Variants in MAJIN observed in about 807,000 individuals in gnomAD.
The protein encoded by MAJIN is membrane-anchored junction protein.
Under a neutral mutation model 30.2 loss-of-function variants are expected in MAJIN, and 27 were observed. That is an observed-to-expected ratio of 0.89 (90% CI 0.66 to 1.23). The LOEUF is 1.23. Among genes scored for constraint, MAJIN ranks in the 50% most tolerant of loss-of-function variants. The probability of loss-of-function intolerance (pLI) is 0.00; values close to 1 mark genes in which losing one functional copy is unlikely to be tolerated. For synonymous variants in MAJIN, 78 were observed against 91.6 expected, an observed-to-expected ratio of 0.85 and a Z score of 0.85; for missense variants, 253 against 260.3, an observed-to-expected ratio of 0.97 and a Z score of 0.19.
intron 1 of MAJIN, among the ~76,000 whole-genome samples, chr11:64,968,116 G>A (rs983114130): frequency 2.5e-4 from 38 of 152,154 alleles, no homozygotes; most frequent in African/African-American, 8.4e-4. Context: ...CATTGAGAAT[G>A]AAGAGAGAGA....
intron 1 of MAJIN, among the ~76,000 whole-genome samples, chr11:64,961,783 TTTC>T (rs1231052911): frequency 6.7e-6 from 1 of 149,842 alleles, no homozygotes; most frequent in Non-Finnish European, 1.5e-5. Flanking sequence ...GCTCTTTTTT[TTTC>T]TTTTCTTTTT....
chr11:64,944,486 C>T lies in MAJIN; in HGVS notation c.473+2888G>A, dbSNP rs566840574. On this transcript the variant is annotated intron_variant, in intron 8 of 10. Coordinates refer to ENST00000301896, the MANE Select transcript of MAJIN (RefSeq NM_001037225.3). ...GCATTCTGGGCAACATGGCAAAACC[C>T]CATCTCTACAAAAAATACAAAAATT... Among the ~76,000 whole-genome samples the T allele has an allele frequency of 3.3e-5, 5 of 152,252 alleles. No homozygotes were observed. In the South Asian group the frequency reaches 1.0e-3, roughly 32 times the overall value.
At chr11:64,940,835 CTT>C (rs1168979344) in intron 8 of MAJIN, among the ~76,000 whole-genome samples, 189 bp from the exon 9 acceptor site, 414 of 88,520 alleles carry the variant, frequency 4.7e-3, no homozygotes, top group African/African-American at 0.018. Flanking sequence ...TTTTTTCTTT[CTT>C]TTTTTTTTTT....
At chr11:64,969,832 G>A (rs1945870016) in intron 1 of MAJIN, among the ~76,000 whole-genome samples, 6 of 152,024 alleles carry the variant, frequency 3.9e-5, no homozygotes. Context: ...GACTTGATAA[G>A]GTGAGGGAGA....
In MAJIN at chr11:64,952,627, G is replaced by A. The variant is rs546125259; in HGVS notation, c.147+2130C>T. Among the ~76,000 whole-genome samples the A allele has an allele frequency of 1.6e-4, 24 of 152,284 alleles. 1 individual carries two copies. Among genetic ancestry groups the A allele is most frequent in the Non-Finnish European group, 3.1e-4 (21 of 68,034 alleles). ...AGGTTACATAACTAGAAATAGCAGG[G>A]CCAAGATCTGAACCAAGGCAGCAGG... On this transcript the variant is annotated intron_variant, in intron 4 of 10. Transcript: ENST00000301896.
rs918402576 is a variant in MAJIN, at chr11:64,946,225, C to G, written c.473+1149G>C. On this transcript the variant is annotated intron_variant, in intron 8 of 10. Transcript: ENST00000301896. Reference sequence around the variant, plus strand: ...TATCACTACATTCAAGCAAATGTGGCCCAAATGAATATTTCAGCAGGTTGG... The same window carrying G: ...TATCACTACATTCAAGCAAATGTGGGCCAAATGAATATTTCAGCAGGTTGG... The G allele has an allele frequency of 1.0e-5, 15 of 1,436,506 alleles. No homozygotes were observed. The African/African-American group carries it at 2.0e-4, about 19-fold the overall frequency. The allele number at this position is 1,436,506 out of a possible 1,614,324, so 89.0% of individuals were successfully genotyped here. A position where few individuals can be genotyped will look rare whatever the true frequency, so the allele number is the denominator to read the frequency against.
chr11:64,949,426 A>C (rs927174332), intron 6 of MAJIN, among the ~76,000 whole-genome samples: 7 of 152,200 alleles, frequency 4.6e-5, no homozygotes, highest in Non-Finnish European at 8.8e-5. Flanking sequence ...GTTATCTTTC[A>C]TTCAGTGATT....
intron 3 of MAJIN, among the ~76,000 whole-genome samples, chr11:64,956,052 G>A (rs1226685965): frequency 1.3e-5 from 2 of 152,216 alleles, no homozygotes; most frequent in Non-Finnish European, 2.9e-5. Flanking sequence ...TGTAATCCCA[G>A]CACTTTGGGA....
At chr11:64,965,662 A>G (rs1945794577) in intron 1 of MAJIN, among the ~76,000 whole-genome samples, 2 of 152,136 alleles carry the variant, frequency 1.3e-5, no homozygotes, top group Admixed American at 1.3e-4. Flanking sequence ...GTCCCTTAGA[A>G]TTCACATCAT....
chr11:64,944,431 T>C (rs1316838118), intron 8 of MAJIN, among the ~76,000 whole-genome samples: 1 of 152,194 alleles, frequency 6.6e-6, no homozygotes, highest in East Asian at 1.9e-4. Context: ...ACTTGGCACA[T>C]AGTAGACACT....
intron 2 of MAJIN, 27 bp from the exon 3 acceptor site, chr11:64,959,449 A>G (rs952904542): frequency 1.2e-5 from 18 of 1,556,164 alleles, no homozygotes; most frequent in Non-Finnish European, 1.6e-5. Context: ...GAGAATTACT[A>G]AAAAGCTAAC....
At chr11:64,964,342 C>T (rs138799957) in intron 1 of MAJIN, among the ~76,000 whole-genome samples, 10 of 152,326 alleles carry the variant, frequency 6.6e-5, no homozygotes, top group Admixed American at 5.9e-4. Flanking sequence ...TCATGAACGC[C>T]TATAGCTGGA....
chr11:64,947,789 A>C lies in MAJIN; in HGVS notation c.380T>G (p.Leu127Trp), dbSNP rs1382924907. ...TTTGTACAGAAAAGGCAAACTTACC[A>C]ACCCAAGAGGACTGTCACTTATTGG... ...GKPISDSPLG[L>W]VPVEKKAVGA... Residue 127 changes from leucine to tryptophan, a missense_variant and splice_region_variant, in exon 7 of 11, where the codon TTG becomes TGG. Leu to Trp is a moderately conservative substitution (Grantham distance 61). Transcript: ENST00000301896. 6.2e-7 allele frequency: 1 copy of C among 1,613,572 alleles called. No homozygotes were observed. The highest frequency in any genetic ancestry group is 8.5e-7 in the Non-Finnish European group (1 of 1,179,532).
intron 7 of MAJIN, 37 bp from the exon 8 acceptor site, chr11:64,947,502 C>T (rs780602168): frequency 1.3e-6 from 2 of 1,583,386 alleles, no homozygotes; most frequent in East Asian, 2.2e-5. Flanking sequence ...CTCCTCCTTT[C>T]CAGAGTTGCT....
chr11:64,950,019 G>T (rs1368592712), intron 5 of MAJIN, 151 bp from the exon 6 acceptor site: 3 of 1,154,346 alleles, frequency 2.6e-6, no homozygotes, highest in Non-Finnish European at 3.7e-6. Flanking sequence ...GTGAGCTGTA[G>T]CTCATTTCCA....
chr11:64,966,708 CG>C (rs1565147957), intron 1 of MAJIN, among the ~76,000 whole-genome samples: 1 of 150,688 alleles, frequency 6.6e-6, no homozygotes, highest in African/African-American at 2.4e-5. Context: ...CCAAGGCAGG[CG>C]GATCACTTGA....
chr11:64,954,040 T>G (rs1945594551), intron 4 of MAJIN: 1 of 154,178 alleles, frequency 6.5e-6, no homozygotes, highest in Admixed American at 6.4e-5. Context: ...AGTCACAAAT[T>G]ACCGAATTGT....
intron 8 of MAJIN, among the ~76,000 whole-genome samples, chr11:64,944,237 T>C (rs1244869711): frequency 1.3e-5 from 2 of 152,258 alleles, no homozygotes; most frequent in East Asian, 3.8e-4. Flanking sequence ...AGGCTTTTCA[T>C]GATACAGTCC....
intron 1 of MAJIN, among the ~76,000 whole-genome samples, chr11:64,971,096 A>T (rs1945894500): frequency 6.6e-6 from 1 of 151,972 alleles, no homozygotes; most frequent in Non-Finnish European, 1.5e-5. Context: ...GGAGTTCGAG[A>T]TCAGTCTGGC....
Sources: gnomAD v4.1 joint callset for allele counts (sites outside exome capture counted in the v4.1 genomes callset) on GRCh38, gnomAD v4.1.1 for gene constraint, MANE v1.5 for transcripts, NCBI Gene and HGNC (gene_info 2026-07-23, HGNC 2026-07-21) for gene names.